RAB1A: variants seen among roughly 807,000 people sequenced by gnomAD.
RAB1A encodes RAB1A, member RAS oncogene family, also known as ras-related protein Rab-1A.
In RAB1A, 2 loss-of-function variants were observed where a neutral mutation model predicts 26.0. That is an observed-to-expected ratio of 0.08 (90% CI 0.03 to 0.24). The LOEUF is 0.24. Ranked by LOEUF, RAB1A falls within the 10% of genes least tolerant of loss-of-function variation. RAB1A has a pLI of 1.00. For missense variants in RAB1A, 100 were observed against 247.0 expected (o/e 0.40, Z 3.99); for synonymous variants, 84 against 84.9 (o/e 0.99, Z 0.06).
At chr2:65,125,050 C>CCA (rs71401776) in intron 1 of RAB1A, among the ~76,000 whole-genome samples, 3 of 130,222 alleles carry the variant, frequency 2.3e-5, no homozygotes, top group Non-Finnish European at 4.9e-5. Context: ...ACAATGCAAG[C>CCA]AAAAAAAAAA....
In RAB1A at chr2:65,087,791, C is replaced by CA. The variant is rs1316012628; in HGVS notation, c.*701dup. On this transcript the variant is annotated 3_prime_UTR_variant, in exon 6 of 6. Coordinates refer to ENST00000409784, the MANE Select transcript of RAB1A (RefSeq NM_004161.5). ...TACCTTAGTTTGCATTGTGCACACA[C>CA]AAATGGCTGTGTTGAATATAATGCA... is the stretch of plus-strand genomic sequence containing the variant. 5 of 152,790 alleles carry CA rather than the reference C, an allele frequency of 3.3e-5. No homozygotes were observed. In the East Asian group the frequency reaches 9.6e-4, roughly 29 times the overall value. The allele number at this position is 152,790 out of a possible 1,614,324, so 9.5% of individuals were successfully genotyped here. A position where few individuals can be genotyped will look rare whatever the true frequency, so the allele number is the denominator to read the frequency against.
chr2:65,113,503 C>A (rs1339608121), intron 1 of RAB1A, among the ~76,000 whole-genome samples: 1 of 151,800 alleles, frequency 6.6e-6, no homozygotes, highest in Non-Finnish European at 1.5e-5. Flanking sequence ...AAGAGTGAGA[C>A]CCCCATCTCT....
chr2:65,099,589 G>C (rs189286351), intron 2 of RAB1A, among the ~76,000 whole-genome samples: 1 of 152,322 alleles, frequency 6.6e-6, no homozygotes, highest in Admixed American at 6.5e-5. Context: ...GCCCTATGCA[G>C]CTTGTGAAAC....
At chr2:65,119,572 A>C (rs1478299298) in intron 1 of RAB1A, among the ~76,000 whole-genome samples, 4 of 151,712 alleles carry the variant, frequency 2.6e-5, no homozygotes, top group African/African-American at 9.7e-5. Flanking sequence ...AAAAAAAACA[A>C]AAAAACAAAA....
chr2:65,100,009 G>C (rs1669382099), intron 2 of RAB1A, among the ~76,000 whole-genome samples: 1 of 152,044 alleles, frequency 6.6e-6, no homozygotes, highest in South Asian at 2.1e-4. Context: ...AAAAGATAAG[G>C]TATAAAACTC....
chr2:65,108,730 C>T (rs1434605380), intron 1 of RAB1A, among the ~76,000 whole-genome samples: 1 of 151,980 alleles, frequency 6.6e-6, no homozygotes, highest in Non-Finnish European at 1.5e-5. Flanking sequence ...CACTTGAACC[C>T]GAGAGGCGGA....
intron 1 of RAB1A, among the ~76,000 whole-genome samples, chr2:65,117,734 T>G (rs1669857797): frequency 3.9e-4 from 2 of 5,136 alleles, no homozygotes; most frequent in Non-Finnish European, 9.5e-4. Context: ...GTCCAGCTAG[T>G]TTTTTTTTTT....
intron 3 of RAB1A, among the ~76,000 whole-genome samples, chr2:65,093,933 T>G (rs542531616): frequency 1.3e-5 from 2 of 151,860 alleles, no homozygotes; most frequent in South Asian, 4.2e-4. Context: ...GTGTTTAGAT[T>G]TTTAAAACAC....
At chr2:65,094,566 A>G (rs1669242154) in intron 3 of RAB1A, among the ~76,000 whole-genome samples, 2 of 147,832 alleles carry the variant, frequency 1.4e-5, no homozygotes, top group African/African-American at 5.0e-5. Context: ...TCTGGGCAAC[A>G]AGAGCGAAAC....
chr2:65,109,332 T>C (rs1669641064), intron 1 of RAB1A, among the ~76,000 whole-genome samples: 1 of 152,220 alleles, frequency 6.6e-6, no homozygotes, highest in Non-Finnish European at 1.5e-5. Context: ...CTCATGAATT[T>C]GGATCACTAA....
rs1425637449 is a variant in RAB1A at position 65,087,002 on chromosome 2, C to A, written c.*1491G>T. ...AGTGAAAAATAAAAATTAAAAAAAC[C>A]TATTCATTTTTGGCTTGTGTTTAGC... On this transcript the variant is annotated 3_prime_UTR_variant, in exon 6 of 6. Coordinates refer to ENST00000409784, the MANE Select transcript of RAB1A (RefSeq NM_004161.5). 1 of 152,128 alleles carries A rather than the reference C, an allele frequency of 6.6e-6. No individual in the cohort carries two copies. The highest frequency in any genetic ancestry group is 2.4e-5 in the African/African-American group (1 of 41,366). The allele number at this position is 152,128 out of a possible 1,614,324, so 9.4% of individuals were successfully genotyped here. A position where few individuals can be genotyped will look rare whatever the true frequency, so the allele number is the denominator to read the frequency against.
chr2:65,104,853 T>C (rs1669515530), intron 1 of RAB1A, 47 bp from the exon 2 acceptor site: 1 of 1,405,468 alleles, frequency 7.1e-7, no homozygotes. Context: ...CACACTGCAT[T>C]GCTATAAGCT....
At chr2:65,118,772 CCGGCCCAAAGGGCT>C (rs1669882388) in intron 1 of RAB1A, among the ~76,000 whole-genome samples, 1 of 152,178 alleles carries the variant, frequency 6.6e-6, no homozygotes, top group Non-Finnish European at 1.5e-5. Flanking sequence ...GCCCCCGCAC[CCGGCCCAAAGGGCT>C]ATTTTCTTTA....
chr2:65,123,923 T>C (rs1479665473), intron 1 of RAB1A, among the ~76,000 whole-genome samples: 1 of 151,652 alleles, frequency 6.6e-6, no homozygotes, highest in Non-Finnish European at 1.5e-5. Context: ...TAAACTAAAA[T>C]ATTTGATGGT....
At chr2:65,098,109 G>A in intron 2 of RAB1A, 43 bp from the exon 3 acceptor site, 2 of 1,163,272 alleles carry the variant, frequency 1.7e-6, no homozygotes, top group South Asian at 3.3e-5. Context: ...TTGTTCAGTG[G>A]AGCAGATGCA....
intron 1 of RAB1A, chr2:65,114,039 A>T (rs1003203184): frequency 1.5e-5 from 5 of 323,422 alleles, no homozygotes; most frequent in Non-Finnish European, 2.5e-5. Flanking sequence ...CACACCTATC[A>T]TAACACAAAT....
chr2:65,101,166 A>G (rs1420713397), intron 2 of RAB1A, among the ~76,000 whole-genome samples: 1 of 152,044 alleles, frequency 6.6e-6, no homozygotes, highest in African/African-American at 2.4e-5. Flanking sequence ...AGAAAAAGAA[A>G]GAAATGCTGA....
At chr2:65,092,457 T>TA (rs1558576158) in intron 3 of RAB1A, among the ~76,000 whole-genome samples, 1 of 152,186 alleles carries the variant, frequency 6.6e-6, no homozygotes, top group African/African-American at 2.4e-5. Context: ...GTACAACAGC[T>TA]AAAGGGGTTT....
chr2:65,112,513 T>C (rs1669722667), intron 1 of RAB1A, among the ~76,000 whole-genome samples: 1 of 152,192 alleles, frequency 6.6e-6, no homozygotes, highest in South Asian at 2.1e-4. Flanking sequence ...TAATCACAAA[T>C]TGGGCTGGGT....
Sources: gnomAD v4.1 joint callset for allele counts (sites outside exome capture counted in the v4.1 genomes callset) on GRCh38, gnomAD v4.1.1 for gene constraint, MANE v1.5 for transcripts, NCBI Gene and HGNC (gene_info 2026-07-23, HGNC 2026-07-21) for gene names.